The following ACOX3 variants were observed in gnomAD, a reference collection of about 807,000 sequenced individuals.
ACOX3 encodes acyl-CoA oxidase 3, pristanoyl.
A neutral mutation model predicts 81.5 loss-of-function variants in ACOX3; 73 were observed. The ratio of observed to expected loss-of-function variants is 0.90; its 90% CI spans 0.74 to 1.09. The LOEUF (loss-of-function observed/expected upper bound fraction) is 1.09. Among genes scored for constraint, ACOX3 ranks in the 50% least tolerant of loss-of-function variants. The pLI is 0.00. For synonymous variants in ACOX3, 387 were observed against 375.1 expected (o/e 1.03, Z -0.37); for missense variants, 947 against 928.0 (o/e 1.02, Z -0.27).
chr4:8,414,273 G>T lies in ACOX3; in HGVS notation c.543+19C>A. 6.2e-7 allele frequency: 1 copy of T among 1,601,352 alleles called. No homozygotes were observed. Among genetic ancestry groups the T allele is most frequent in the Non-Finnish European group, 8.6e-7 (1 of 1,168,642 alleles). ...TCATATGCTCCAAACTCAGGGACCCGGGGGAAGGTAATACCTACCTCAGTG... is the reference window on the plus strand; with the variant it reads ...TCATATGCTCCAAACTCAGGGACCCTGGGGAAGGTAATACCTACCTCAGTG... On this transcript the variant is annotated intron_variant, in intron 5 of 17. Transcript: ENST00000356406. The surrounding 1 kb of genome is among the most constrained non-coding windows in gnomAD (Gnocchi z 6.1).
At chr4:8,439,253 C>G (rs1204871810) in intron 1 of ACOX3, 1 of 152,172 alleles carries the variant, frequency 6.6e-6, no homozygotes, top group Non-Finnish European at 1.5e-5. Context: ...ACACATACTA[C>G]TTAGTCAGGA....
chr4:8,432,523 G>A lies in ACOX3; in HGVS notation c.-15+8125C>T, dbSNP rs533886484. On this transcript the variant is annotated intron_variant, in intron 1 of 17. Transcript: ENST00000356406. This position sits in a 1 kb window ranked among gnomAD's most constrained non-coding sequence, Gnocchi z 6.2. ...GCTGGGATTACAGGCGTGAGCCACC[G>A]CGCCCGGCCTGATTTTTTTTTTTAA... is the stretch of plus-strand genomic sequence containing the variant. Among the ~76,000 whole-genome samples, 3 of 151,918 alleles carry A rather than the reference G, an allele frequency of 2.0e-5. No homozygotes were observed. The highest frequency in any genetic ancestry group is 1.9e-4 in the East Asian group (1 of 5,174).
chr4:8,357,376 C>T, the ACOX3 span: 8 of 377,820 alleles, frequency 2.1e-5, no homozygotes, highest in Non-Finnish European at 4.3e-5. Flanking sequence ...CCAAGGAGTA[C>T]AATGAATCAA....
intron 5 of ACOX3, among the ~76,000 whole-genome samples, chr4:8,411,835 GC>G (rs776556530): frequency 6.6e-6 from 1 of 152,196 alleles, no homozygotes; most frequent in Non-Finnish European, 1.5e-5. Context: ...GCCACTTCCA[GC>G]CCAGTCTTGG....
At chr4:8,404,893 G>C (rs1297702315) in intron 7 of ACOX3, among the ~76,000 whole-genome samples, 3 of 152,018 alleles carry the variant, frequency 2.0e-5, no homozygotes, top group Non-Finnish European at 4.4e-5. Context: ...CATCTCGTGG[G>C]CACAGAGGGG....
chr4:8,363,043 A>C (rs2108769850), downstream of ACOX3, among the ~76,000 whole-genome samples: 1 of 152,356 alleles, frequency 6.6e-6, no homozygotes, highest in East Asian at 1.9e-4. Flanking sequence ...TTCTAGTTTC[A>C]TTGTTGTTTT....
intron 1 of ACOX3, among the ~76,000 whole-genome samples, chr4:8,425,486 C>G (rs1723383679): frequency 6.6e-6 from 1 of 151,402 alleles, no homozygotes; most frequent in Non-Finnish European, 1.5e-5. Context: ...ATTGATAGCA[C>G]CTATCAGACG....
intron 1 of ACOX3, among the ~76,000 whole-genome samples, chr4:8,422,953 T>C (rs1006671766): frequency 2.1e-5 from 3 of 143,934 alleles, no homozygotes; most frequent in African/African-American, 7.4e-5. Context: ...GGGATGAAGG[T>C]CCTTTCAGTC....
intron 16 of ACOX3, 41 bp downstream of exon 16, chr4:8,373,520 G>A (rs533946323): frequency 6.2e-6 from 10 of 1,606,740 alleles, no homozygotes; most frequent in South Asian, 1.1e-5. Flanking sequence ...GGGCGGTTGT[G>A]TAACATGGAT....
chr4:8,373,530 T>C (rs1716532002), intron 16 of ACOX3, 31 bp downstream of exon 16: 8 of 1,611,290 alleles, frequency 5.0e-6, no homozygotes, highest in Non-Finnish European at 5.9e-6. Flanking sequence ...GTAACATGGA[T>C]GTAGAGAACG....
Position 8,407,680 on chromosome 4 carries a change from C to T in ACOX3, c.688-1637G>A, listed in dbSNP as rs527531111. On this transcript the variant is annotated intron_variant, in intron 6 of 17. Transcript: ENST00000356406. The surrounding 1 kb of genome is among the most constrained non-coding windows in gnomAD (Gnocchi z 4.6). ...TCCCTGCTAGATTTTAGTAAAGTGA[C>T]AAAATGGCTGTGCAAATAGGTGTAG... is the stretch of plus-strand genomic sequence containing the variant. Among the ~76,000 whole-genome samples the T allele has an allele frequency of 3.3e-5, 5 of 152,222 alleles. No homozygotes were observed.
rs1431617131 is a variant in ACOX3, at chr4:8,386,911, C to T, written c.1537+2262G>A. On this transcript the variant is annotated intron_variant, in intron 13 of 17. Transcript: ENST00000356406. This position sits in a 1 kb window ranked among gnomAD's most constrained non-coding sequence, Gnocchi z 5.2. ...GACACACGCTCGGGGGCTGCTATCACATCCACGGCGTCGGTCCTGATGGCT... is the reference window on the plus strand; with the variant it reads ...GACACACGCTCGGGGGCTGCTATCATATCCACGGCGTCGGTCCTGATGGCT... Among the ~76,000 whole-genome samples the T allele has an allele frequency of 6.6e-6, 1 of 152,240 alleles. No homozygotes were observed. Among genetic ancestry groups the T allele is most frequent in the Non-Finnish European group, 1.5e-5 (1 of 68,048 alleles).
chr4:8,424,884 T>G (rs907235202), intron 1 of ACOX3, among the ~76,000 whole-genome samples: 1 of 152,228 alleles, frequency 6.6e-6, no homozygotes, highest in African/African-American at 2.4e-5. Context: ...AAGCAGGGTA[T>G]GCAGTGGTCA....
Position 8,371,585 on chromosome 4 carries a change from T to C in ACOX3, c.1897-591A>G, listed in dbSNP as rs148091959. Among the ~76,000 whole-genome samples, 443 of 152,024 alleles carry C rather than the reference T, an allele frequency of 2.9e-3. 1 individual carries two copies. The highest frequency in any genetic ancestry group is 0.01 in the African/African-American group (414 of 41,328). ...GATGAAATGCCGTGGCTACACTGCA[T>C]AGAACCCAGGAATGGGAGACACCGC... On this transcript the variant is annotated intron_variant, in intron 16 of 17. Coordinates refer to ENST00000356406, the MANE Select transcript of ACOX3 (RefSeq NM_003501.3).
rs562852709 is a variant in ACOX3 at position 8,412,844 on chromosome 4, T to C, written c.543+1448A>G. Among the ~76,000 whole-genome samples, 345 of 127,792 alleles carry C rather than the reference T, an allele frequency of 2.7e-3. 3 individuals are homozygous for C. Among genetic ancestry groups the C allele is most frequent in the Middle Eastern group, 0.017 (3 of 176 alleles). 83.8% of individuals were successfully genotyped at this position (127,792 alleles called of 152,430 possible). ...CGCCCCTCCACAGCACTGATAGCCCTAGGGCATCCATCTGTGGCCCATCTC... is the reference window on the plus strand; with the variant it reads ...CGCCCCTCCACAGCACTGATAGCCCCAGGGCATCCATCTGTGGCCCATCTC... On this transcript the variant is annotated intron_variant, in intron 5 of 17. Coordinates refer to ENST00000356406, the MANE Select transcript of ACOX3 (RefSeq NM_003501.3).
chr4:8,390,391 C>A (rs1441608682), intron 11 of ACOX3, among the ~76,000 whole-genome samples: 1 of 152,018 alleles, frequency 6.6e-6, no homozygotes, highest in African/African-American at 2.4e-5. Context: ...AAAGAACTGC[C>A]ACCTGTGCTT....
At chr4:8,434,331 C>A (rs1724108004) in intron 1 of ACOX3, among the ~76,000 whole-genome samples, 1 of 152,216 alleles carries the variant, frequency 6.6e-6, no homozygotes, top group Non-Finnish European at 1.5e-5. Flanking sequence ...AAACCTCTTT[C>A]TTCTTTAATC....
At chr4:8,379,933 G>A (rs760425853) in intron 14 of ACOX3, among the ~76,000 whole-genome samples, 1 of 151,858 alleles carries the variant, frequency 6.6e-6, no homozygotes, top group Non-Finnish European at 1.5e-5. Context: ...TTACAGACAT[G>A]AGCCAGTGCA....
At position 8,437,411 on chromosome 4, in the gene ACOX3, ACT is replaced by A. The variant is rs1724319348; in HGVS notation, c.-15+3235_-15+3236del. On this transcript the variant is annotated intron_variant, in intron 1 of 17. Transcript: ENST00000356406. This position sits in a 1 kb window ranked among gnomAD's most constrained non-coding sequence, Gnocchi z 5.2. ...AGAGAAGAGCAAAACAAAAAGAAAG[ACT>A]CACAGTAAGTGTAAAAAAGAGAATC... Among the ~76,000 whole-genome samples the A allele has an allele frequency of 6.6e-6, 1 of 152,124 alleles. No homozygotes were observed. The highest frequency in any genetic ancestry group is 2.4e-5 in the African/African-American group (1 of 41,434).
Sources: allele counts gnomAD v4.1 joint callset (sites outside exome capture counted in the v4.1 genomes callset), GRCh38; gene constraint gnomAD v4.1.1; non-coding constraint Gnocchi (gnomAD v3.1); transcripts MANE v1.5; gene names NCBI Gene and HGNC (gene_info 2026-07-23, HGNC 2026-07-21).